ATF6: variants seen among roughly 807,000 people sequenced by gnomAD.
ATF6 encodes cyclic AMP-dependent transcription factor ATF-6 alpha.
A neutral mutation model predicts 83.6 loss-of-function variants in ATF6; 53 were observed. The observed-to-expected ratio is 0.63, with a 90% CI of 0.51 to 0.80. ATF6 has a LOEUF of 0.80. ATF6 is among the 30% of genes least tolerant of loss of function. The probability of loss-of-function intolerance (pLI) is 0.00; values close to 1 mark genes in which losing one functional copy is unlikely to be tolerated. For synonymous variants in ATF6, 288 were observed against 285.8 expected, an observed-to-expected ratio of 1.01 and a Z score of -0.08; for missense variants, 744 against 797.9, an observed-to-expected ratio of 0.93 and a Z score of 0.81.
intron 14 of ATF6, among the ~76,000 whole-genome samples, chr1:161,887,519 A>G (rs1687453034): frequency 6.6e-6 from 1 of 152,240 alleles, no homozygotes; most frequent in African/African-American, 2.4e-5. Flanking sequence ...TCAGAGCATC[A>G]GAGTTTTAAG....
At chr1:161,789,249 C>G (rs932489677) in intron 4 of ATF6, among the ~76,000 whole-genome samples, 1 of 136,302 alleles carries the variant, frequency 7.3e-6, no homozygotes, top group Non-Finnish European at 1.5e-5. Flanking sequence ...CTTATTCCTT[C>G]TCCTTTTTTT....
chr1:161,942,114 G>T (rs913074870), intron 15 of ATF6, among the ~76,000 whole-genome samples: 4 of 152,076 alleles, frequency 2.6e-5, no homozygotes, highest in Non-Finnish European at 5.9e-5. Context: ...CCTCCTTAAT[G>T]TAAGTCTTAA....
At chr1:161,846,289 A>G (rs770420454) in intron 9 of ATF6, among the ~76,000 whole-genome samples, 160 bp from the exon 10 acceptor site, 2 of 152,248 alleles carry the variant, frequency 1.3e-5, no homozygotes, top group Non-Finnish European at 2.9e-5. Context: ...TAAGGATTTG[A>G]ACACCTTCAG....
At chr1:161,855,752 G>A (rs568435690) in intron 12 of ATF6, among the ~76,000 whole-genome samples, 5 of 152,352 alleles carry the variant, frequency 3.3e-5, no homozygotes, top group Admixed American at 3.3e-4. Flanking sequence ...AGTTTTTAAA[G>A]AAGGGGATGT....
chr1:161,835,034 C>CA (rs1686179090), intron 9 of ATF6, among the ~76,000 whole-genome samples: 1 of 152,050 alleles, frequency 6.6e-6, no homozygotes, highest in East Asian at 1.9e-4. Flanking sequence ...GTTCTTGTCC[C>CA]AAAAAATGTA....
chr1:161,787,440 C>G (rs1484661493), intron 4 of ATF6, among the ~76,000 whole-genome samples: 1 of 152,154 alleles, frequency 6.6e-6, no homozygotes, highest in Non-Finnish European at 1.5e-5. Context: ...TAACATGTCT[C>G]CTTTGGGCTC....
At chr1:161,816,519 T>C (rs535675831) in intron 7 of ATF6, among the ~76,000 whole-genome samples, 30 of 152,350 alleles carry the variant, frequency 2.0e-4, no homozygotes, top group Admixed American at 7.8e-4. Context: ...TAAGTATCAC[T>C]GGACTTGGAG....
intron 9 of ATF6, among the ~76,000 whole-genome samples, chr1:161,835,830 A>T (rs1257702296): frequency 6.6e-6 from 1 of 152,204 alleles, no homozygotes; most frequent in East Asian, 1.9e-4. Flanking sequence ...TTTAAAGGTC[A>T]CTATAGTCAT....
At chr1:161,891,912 T>C (rs1488584619) in intron 14 of ATF6, 1 of 152,240 alleles carries the variant, frequency 6.6e-6, no homozygotes. Flanking sequence ...ACTGCCATTT[T>C]TAAAAGCAGC....
At chr1:161,909,535 T>G (rs1323463734) in intron 14 of ATF6, among the ~76,000 whole-genome samples, 4 of 151,242 alleles carry the variant, frequency 2.6e-5, no homozygotes, top group African/African-American at 9.7e-5. Context: ...AAAAAAAGGC[T>G]GTTTCTGCCA....
At chr1:161,811,617 T>C (rs1490968723) in intron 7 of ATF6, among the ~76,000 whole-genome samples, 1 of 152,194 alleles carries the variant, frequency 6.6e-6, no homozygotes, top group Non-Finnish European at 1.5e-5. Flanking sequence ...CAGATTCACC[T>C]GTTGTTAACA....
chr1:161,814,549 G>C (rs1261446691), intron 7 of ATF6, among the ~76,000 whole-genome samples: 1 of 152,138 alleles, frequency 6.6e-6, no homozygotes, highest in Non-Finnish European at 1.5e-5. Context: ...TTATTTCCTT[G>C]ATAATCTGCC....
chr1:161,883,067 C>T lies in ATF6; in HGVS notation c.1719+19755C>T, dbSNP rs112668651. ...AAATTCATTTTAATGCTATTATTTT[C>T]CTTATCACCCATAAACAGACAGAAA... On this transcript the variant is annotated intron_variant, in intron 14 of 15. Coordinates refer to ENST00000367942, the MANE Select transcript of ATF6 (RefSeq NM_007348.4). Among the ~76,000 whole-genome samples the T allele has an allele frequency of 2.9e-3, 437 of 152,050 alleles. 3 individuals are homozygous for T. Among genetic ancestry groups the T allele is most frequent in the African/African-American group, 9.8e-3 (408 of 41,534 alleles).
chr1:161,844,976 T>C (rs1253502628), intron 9 of ATF6, among the ~76,000 whole-genome samples: 5 of 152,224 alleles, frequency 3.3e-5, no homozygotes, highest in Admixed American at 6.5e-5. Context: ...TGACAAAATA[T>C]AGCCTCAGTT....
intron 14 of ATF6, among the ~76,000 whole-genome samples, chr1:161,908,663 C>T (rs1261124273): frequency 2.6e-5 from 4 of 152,008 alleles, no homozygotes; most frequent in African/African-American, 7.3e-5. Context: ...CTCATAAAGA[C>T]ATTTCAGGAG....
chr1:161,863,932 A>C (rs1029575143), intron 14 of ATF6, among the ~76,000 whole-genome samples: 1 of 152,198 alleles, frequency 6.6e-6, no homozygotes, highest in African/African-American at 2.4e-5. Flanking sequence ...TATTTCATCT[A>C]CTTTTTCTAT....
At chr1:161,778,151 AC>A in intron 1 of ATF6, 92 bp from the exon 2 acceptor site, 1 of 923,938 alleles carries the variant, frequency 1.1e-6, no homozygotes, top group Non-Finnish European at 1.7e-6. Context: ...CTAATGAGAA[AC>A]CTTAATAGAG....
intron 15 of ATF6, among the ~76,000 whole-genome samples, chr1:161,952,472 TATTCATC>T (rs1322912405): frequency 1.3e-5 from 2 of 152,102 alleles, no homozygotes; most frequent in African/African-American, 4.8e-5. Context: ...CCATAGCACT[TATTCATC>T]ATTCTCTATA....
intron 14 of ATF6, among the ~76,000 whole-genome samples, chr1:161,906,085 G>A (rs1188021764): frequency 1.3e-5 from 2 of 152,036 alleles, no homozygotes; most frequent in African/African-American, 2.4e-5. Context: ...CATCTGCCTC[G>A]GCCTCCGAAA....
Sources: gnomAD v4.1 joint callset for allele counts (sites outside exome capture counted in the v4.1 genomes callset) on GRCh38, gnomAD v4.1.1 for gene constraint, MANE v1.5 for transcripts, NCBI Gene and HGNC (gene_info 2026-07-23, HGNC 2026-07-21) for gene names.